MGA: variants seen among roughly 807,000 people sequenced by gnomAD.
MGA encodes MAX gene-associated protein.
MGA carries 40 observed loss-of-function variants against 261.1 expected under a neutral mutation model. The ratio of observed to expected loss-of-function variants is 0.15; its 90% CI spans 0.12 to 0.20. MGA has a LOEUF of 0.20. Among genes scored for constraint, MGA ranks in the 10% least tolerant of loss-of-function variants. MGA has a pLI of 1.00. For missense variants in MGA, 3,397 were observed against 3,630.5 expected (o/e 0.94, Z 1.65); for synonymous variants, 1,302 against 1,290.6 (o/e 1.01, Z -0.19).
chr15:41,693,034 C>T (rs1209780654), intron 2 of MGA, among the ~76,000 whole-genome samples: 1 of 152,126 alleles, frequency 6.6e-6, no homozygotes, highest in African/African-American at 2.4e-5. Flanking sequence ...GATGAGGTTT[C>T]ACCATGTTGC....
chr15:41,749,384 C>T lies in MGA; in HGVS notation c.5777C>T (p.Ser1926Leu). The stretch of plus-strand genomic sequence containing the variant: ...TCTGAAACCAAAATAACTTATAGCT[C>T]AGGAGGACAGCCTGTTGGTACAGCC... Residue 1926 changes from serine to leucine, a missense_variant, in exon 17 of 24, where the codon TCA becomes TTA. By Grantham distance (145) the Ser-to-Leu change is moderately radical. This residue lies in a region of MGA where 1,410 missense variants were observed against 1,386.4 expected (regional missense o/e 1.02). Coordinates refer to ENST00000219905, the MANE Select transcript of MGA (RefSeq NM_001164273.2). The T allele has an allele frequency of 1.9e-6, 3 of 1,613,978 alleles. No homozygotes were observed. The highest frequency in any genetic ancestry group is 2.5e-6 in the Non-Finnish European group (3 of 1,179,896).
At chr15:41,742,294 C>T (rs1417057768) in intron 14 of MGA, among the ~76,000 whole-genome samples, 1 of 151,886 alleles carries the variant, frequency 6.6e-6, no homozygotes, top group African/African-American at 2.4e-5. Context: ...AAGGCTGAGG[C>T]AGGAGAATTG....
At chr15:41,636,818 C>G (rs560911075) in intron 1 of MGA, among the ~76,000 whole-genome samples, 1 of 151,894 alleles carries the variant, frequency 6.6e-6, no homozygotes, top group Non-Finnish European at 1.5e-5. Flanking sequence ...CCCAAAGTGC[C>G]GGGATTACAA....
At position 41,767,191 on chromosome 15, in the gene MGA, G is replaced by T; in HGVS notation, c.9109G>T (p.Gly3037Cys). The T allele has an allele frequency of 6.2e-7, 1 of 1,614,012 alleles. No individual in the cohort carries two copies. The highest frequency in any genetic ancestry group is 1.1e-5 in the South Asian group (1 of 91,088). Reference sequence around the variant, plus strand: ...GAACTTAACAGGGAATGACCAGGAAGGCCGGGAAAGCAAGGTGATGCCTAC... The same window carrying T: ...GAACTTAACAGGGAATGACCAGGAATGCCGGGAAAGCAAGGTGATGCCTAC... The change falls in exon 24 of 24, where the codon GGC (glycine) becomes TGC (cysteine). Residue 3037 changes from glycine to cysteine, a missense_variant. Physicochemically the swap from Gly to Cys is radical, Grantham distance 159. Coordinates refer to ENST00000219905, the MANE Select transcript of MGA (RefSeq NM_001164273.2).
At chr15:41,725,853 AAAATAAATAAATAAAT>A (rs1336939044) in intron 9 of MGA, among the ~76,000 whole-genome samples, 1 of 24,246 alleles carries the variant, frequency 4.1e-5, no homozygotes, top group East Asian at 3.0e-3. Context: ...AAAAAAAAAA[AAAATAAATAAATAAAT>A]AAATAAATAA....
intron 14 of MGA, 119 bp from the exon 15 acceptor site, chr15:41,742,427 G>C: frequency 8.5e-7 from 1 of 1,176,890 alleles, no homozygotes; most frequent in Non-Finnish European, 1.2e-6. Context: ...AATAATACAG[G>C]TAGGTAGTAC....
In MGA at chr15:41,736,083, G is replaced by A. The variant is rs898014021; in HGVS notation, c.3917-98G>A. 2.5e-5 allele frequency: 27 copies of A among 1,069,306 alleles called. No individual in the cohort carries two copies. The South Asian group carries it at 3.0e-4, about 12-fold the overall frequency. The allele number at this position is 1,069,306 out of a possible 1,614,324, so 66.2% of individuals were successfully genotyped here. A position where few individuals can be genotyped will look rare whatever the true frequency, so the allele number is the denominator to read the frequency against. Reference sequence around the variant, plus strand: ...TTTTAAGTTACTACTGTGAAAGAACGTGAGAATGTGACAGTTTTTTTTCAG... The same window carrying A: ...TTTTAAGTTACTACTGTGAAAGAACATGAGAATGTGACAGTTTTTTTTCAG... On this transcript the variant is annotated intron_variant, in intron 12 of 23. Transcript: ENST00000219905.
intron 9 of MGA, among the ~76,000 whole-genome samples, chr15:41,716,181 C>T (rs534914833): frequency 1.5e-4 from 23 of 151,658 alleles, no homozygotes; most frequent in Admixed American, 1.1e-3. Flanking sequence ...GGCACGGTGG[C>T]GCAGGCCTGT....
chr15:41,714,079 T>A (rs1025957150), intron 9 of MGA, among the ~76,000 whole-genome samples: 7 of 152,212 alleles, frequency 4.6e-5, no homozygotes, highest in Admixed American at 4.6e-4. Context: ...ATCTTTGTAT[T>A]TTGTTCAAAT....
chr15:41,626,916 C>T (rs756044107), intron 1 of MGA, among the ~76,000 whole-genome samples: 32 of 151,900 alleles, frequency 2.1e-4, no homozygotes, highest in Middle Eastern at 3.4e-3. Flanking sequence ...CAGGCTGGAG[C>T]GCAAATGGCA....
At chr15:41,658,326 T>C (rs1363447592), upstream of MGA, among the ~76,000 whole-genome samples, 2 of 152,248 alleles carry the variant, frequency 1.3e-5, no homozygotes, top group Non-Finnish European at 2.9e-5. Context: ...CCTTCGGTTA[T>C]ATATGGATGC....
chr15:41,639,424 T>C (rs923105336), intron 1 of MGA, among the ~76,000 whole-genome samples: 3 of 152,068 alleles, frequency 2.0e-5, no homozygotes, highest in Non-Finnish European at 2.9e-5. Flanking sequence ...TAGCACTCTT[T>C]CCTCACAAGC....
intron 1 of MGA, among the ~76,000 whole-genome samples, chr15:41,624,471 G>A (rs1448757924): frequency 6.6e-6 from 1 of 150,944 alleles, no homozygotes; most frequent in Non-Finnish European, 1.5e-5. Context: ...GGGACTACAG[G>A]CAGAGTATGC....
chr15:41,708,968 A>G (rs553440761), intron 7 of MGA, among the ~76,000 whole-genome samples: 1 of 152,272 alleles, frequency 6.6e-6, no homozygotes, highest in East Asian at 1.9e-4. Flanking sequence ...TTTCCAAAAT[A>G]CTTTTCTCAC....
rs376729410 is a variant in MGA, at chr15:41,766,977, C to T, written c.8895C>T (p.Pro2965=). The change falls in exon 24 of 24, where the codon CCC becomes CCT. Residue 2965 remains proline, a synonymous_variant. Coordinates refer to ENST00000219905, the MANE Select transcript of MGA (RefSeq NM_001164273.2). ...AGCCCGAAAGTGTGTCCTCACCCCC[C>T]ACCCTACACATGAAGACTGGCTTGG... is the stretch of plus-strand genomic sequence containing the variant. 7 of 1,613,880 alleles carry T rather than the reference C, an allele frequency of 4.3e-6. No homozygotes were observed. The highest frequency in any genetic ancestry group is 1.3e-5 in the African/African-American group (1 of 74,922).
chr15:41,721,293 C>T (rs1005185339), intron 9 of MGA, among the ~76,000 whole-genome samples: 2 of 152,102 alleles, frequency 1.3e-5, no homozygotes, highest in Non-Finnish European at 2.9e-5. Context: ...CATGGTGAAA[C>T]CCCATCTCTA....
chr15:41,731,421 T>G (rs930576359), intron 11 of MGA, among the ~76,000 whole-genome samples: 6 of 152,128 alleles, frequency 3.9e-5, no homozygotes, highest in Non-Finnish European at 8.8e-5. Flanking sequence ...ATTTTAAACA[T>G]TTTCATAAAA....
intron 17 of MGA, 123 bp downstream of exon 17, chr15:41,750,738 T>C (rs867412667): frequency 2.2e-6 from 2 of 897,882 alleles, no homozygotes; most frequent in Non-Finnish European, 3.3e-6. Context: ...GGTTTAAGAT[T>C]ATGACTTAAA....
rs370212416 is a variant in MGA, at chr15:41,672,173, G to C, written c.1064+2215G>C. 2.6e-5 allele frequency among the ~76,000 whole-genome samples: 4 copies of C among 152,242 alleles called. No homozygotes were observed. The East Asian group carries it at 5.8e-4, about 22-fold the overall frequency. ...TCAGACGTATGTTTGTTTGTTTTTC[G>C]AGATAGTGTATGGCTCTGTCACTTA... On this transcript the variant is annotated intron_variant, in intron 2 of 23. Transcript: ENST00000219905.
Sources: allele counts gnomAD v4.1 joint callset (sites outside exome capture counted in the v4.1 genomes callset), GRCh38; gene constraint gnomAD v4.1.1; regional missense constraint gnomAD v4.1.1; transcripts MANE v1.5; gene names NCBI Gene and HGNC (gene_info 2026-07-23, HGNC 2026-07-21).